The following GPHN variants were observed in gnomAD, a reference collection of about 807,000 sequenced individuals.
The protein encoded by GPHN is gephyrin.
GPHN carries 17 observed loss-of-function variants against 95.5 expected under a neutral mutation model. That is an observed-to-expected ratio of 0.18 (90% CI 0.12 to 0.27). GPHN has a LOEUF of 0.27. GPHN is among the 10% of genes least tolerant of loss of function. The pLI is 1.00. For missense variants in GPHN, 660 were observed against 978.1 expected (o/e 0.67, Z 4.34); for synonymous variants, 320 against 322.5 (o/e 0.99, Z 0.08).
At chr14:67,706,377 C>T in the GPHN span, 4 of 152,340 alleles carry the variant, frequency 2.6e-5, no homozygotes, top group Non-Finnish European at 5.9e-5. Flanking sequence ...AGGTTGAGGA[C>T]GTGTCCCCAC....
the GPHN span, chr14:67,225,401 G>T: frequency 1.9e-6 from 1 of 540,036 alleles, no homozygotes; most frequent in Non-Finnish European, 2.9e-6. Flanking sequence ...GGAATGAAAT[G>T]TTAGGGGTTT....
the GPHN span, among the ~76,000 whole-genome samples, chr14:67,546,352 A>G: frequency 2.6e-5 from 4 of 152,116 alleles, no homozygotes; most frequent in African/African-American, 9.7e-5. Flanking sequence ...TTTTTTTAAG[A>G]CAAAGTGACA....
chr14:66,534,310 A>T (rs1210050202), intron 1 of GPHN, among the ~76,000 whole-genome samples: 1 of 151,988 alleles, frequency 6.6e-6, no homozygotes, highest in Non-Finnish European at 1.5e-5. Flanking sequence ...TTCTCCTGTC[A>T]CTCCCAAGTA....
At chr14:67,589,438 A>C in the GPHN span, 1 of 985,312 alleles carries the variant, frequency 1.0e-6, no homozygotes, top group Non-Finnish European at 1.2e-6. Context: ...ATATAAAAAA[A>C]AATGCTGAGT....
At chr14:66,768,230 C>T (rs2059035313) in intron 2 of GPHN, among the ~76,000 whole-genome samples, 2 of 151,534 alleles carry the variant, frequency 1.3e-5, no homozygotes, top group Admixed American at 6.6e-5. Context: ...TATATACATG[C>T]AAGACAGAGC....
chr14:66,644,699 A>T (rs1027883715), intron 1 of GPHN, among the ~76,000 whole-genome samples: 1 of 152,144 alleles, frequency 6.6e-6, no homozygotes, highest in Non-Finnish European at 1.5e-5. Flanking sequence ...TCACACATCT[A>T]TTAAATGTAT....
At chr14:67,347,235 G>A in the GPHN span, among the ~76,000 whole-genome samples, 24 of 152,020 alleles carry the variant, frequency 1.6e-4, no homozygotes, top group African/African-American at 5.6e-4. Flanking sequence ...CATTGTGCCC[G>A]GCCTTAAGAC....
chr14:67,337,013 A>G, the GPHN span, among the ~76,000 whole-genome samples: 1 of 152,344 alleles, frequency 6.6e-6, no homozygotes, highest in South Asian at 2.1e-4. Context: ...GCTACTTTCT[A>G]GCTTTTTAAC....
the GPHN span, among the ~76,000 whole-genome samples, chr14:67,367,190 GT>G: frequency 6.6e-6 from 1 of 152,222 alleles, no homozygotes; most frequent in African/African-American, 2.4e-5. Context: ...AGAGCTTATA[GT>G]TTTGAGTTCA....
intron 1 of GPHN, among the ~76,000 whole-genome samples, chr14:66,583,783 C>G (rs1356781126): frequency 6.6e-6 from 1 of 152,184 alleles, no homozygotes; most frequent in African/African-American, 2.4e-5. Flanking sequence ...GTTTTGGTTA[C>G]TGTGTCCTTG....
chr14:66,678,077 TTTTTGGGTTGAGTA>T (rs1381420236), intron 1 of GPHN, among the ~76,000 whole-genome samples: 1 of 152,110 alleles, frequency 6.6e-6, no homozygotes, highest in Non-Finnish European at 1.5e-5. Flanking sequence ...AGGGATGACA[TTTTTGGGTTGAGTA>T]TTTTGGGGAC....
intron 3 of GPHN, chr14:66,823,160 C>G (rs1035819442): frequency 2.0e-5 from 3 of 152,210 alleles, no homozygotes; most frequent in African/African-American, 7.2e-5. Context: ...CTCCACCATG[C>G]TTGGCCAATT....
intron 2 of GPHN, among the ~76,000 whole-genome samples, chr14:66,757,568 T>C (rs1296693732): frequency 6.6e-6 from 1 of 152,126 alleles, no homozygotes; most frequent in Non-Finnish European, 1.5e-5. Context: ...TTTTGTATTT[T>C]TAGTAGAGAC....
chr14:66,539,940 A>G (rs2059294117), intron 1 of GPHN, among the ~76,000 whole-genome samples: 1 of 152,190 alleles, frequency 6.6e-6, no homozygotes, highest in Non-Finnish European at 1.5e-5. Context: ...ATCTTTTTCT[A>G]GTTGTTGAAG....
At chr14:67,673,392 A>G in the GPHN span, among the ~76,000 whole-genome samples, 1 of 152,118 alleles carries the variant, frequency 6.6e-6, no homozygotes, top group African/African-American at 2.4e-5. Context: ...CCCATCCCCT[A>G]TTCTTTTACT....
At chr14:67,497,834 T>C in the GPHN span, among the ~76,000 whole-genome samples, 1 of 152,076 alleles carries the variant, frequency 6.6e-6, no homozygotes, top group African/African-American at 2.4e-5. Context: ...TTGTGGGTGT[T>C]TGTGTATGTT....
chr14:66,700,274 G>C (rs1335465987), intron 2 of GPHN, among the ~76,000 whole-genome samples: 1 of 152,088 alleles, frequency 6.6e-6, no homozygotes, highest in African/African-American at 2.4e-5. Flanking sequence ...AAAGAGAGAG[G>C]CACTTAGCTA....
chr14:66,965,433 C>T lies in GPHN; in HGVS notation c.963+108C>T, dbSNP rs1489111591. 5 of 1,035,142 alleles carry T rather than the reference C, an allele frequency of 4.8e-6. No homozygotes were observed. In the African/African-American group the frequency reaches 7.8e-5, roughly 16 times the overall value. 64.1% of individuals were successfully genotyped at this position (1,035,142 alleles called of 1,614,324 possible). ...AGGTTGGATTGCATGCAAGATTACA[C>T]TGTGAAAAATGAATAAAGTGTAAGA... On this transcript the variant is annotated intron_variant, in intron 9 of 22. Transcript: ENST00000478722.
At chr14:67,047,430 A>G (rs2075091207) in intron 10 of GPHN, among the ~76,000 whole-genome samples, 1 of 148,326 alleles carries the variant, frequency 6.7e-6, no homozygotes. Context: ...CAGTGGTGCA[A>G]TCTCGGCTCA....
Sources: gnomAD v4.1 joint callset for allele counts (sites outside exome capture counted in the v4.1 genomes callset) on GRCh38, gnomAD v4.1.1 for gene constraint, MANE v1.5 for transcripts, NCBI Gene and HGNC (gene_info 2026-07-23, HGNC 2026-07-21) for gene names.